Variants in ERICH1 observed in about 807,000 individuals in gnomAD.
ERICH1 encodes the protein glutamate-rich protein 1.
Under a neutral mutation model 39.6 loss-of-function variants are expected in ERICH1, and 56 were observed. The ratio of observed to expected loss-of-function variants is 1.41; its 90% CI spans 1.14 to 1.77. The LOEUF is 1.77. Ranked by LOEUF, ERICH1 falls within the 40% of genes most tolerant of loss-of-function variation. The pLI is 0.00. For missense variants in ERICH1, 826 were observed against 575.4 expected (o/e 1.44, Z -4.45); for synonymous variants, 313 against 223.6 (o/e 1.40, Z -3.57).
intron 2 of ERICH1, among the ~76,000 whole-genome samples, chr8:699,349 C>T (rs1227480219): frequency 2.0e-5 from 3 of 152,170 alleles, no homozygotes; most frequent in African/African-American, 7.2e-5. Flanking sequence ...CGATTGCTGT[C>T]CCAGCGGCCT....
At chr8:622,528 C>T (rs2117040650) in intron 3 of ERICH1, among the ~76,000 whole-genome samples, 1 of 152,254 alleles carries the variant, frequency 6.6e-6, no homozygotes, top group South Asian at 2.1e-4. Flanking sequence ...TTGGACTGTC[C>T]AGCCTCCAGA....
chr8:655,696 CTTCCTTCCTTCT>C (rs1470922522), intron 3 of ERICH1, among the ~76,000 whole-genome samples: 22 of 113,082 alleles, frequency 1.9e-4, no homozygotes, highest in Admixed American at 3.9e-4. Context: ...TCCTTCCTTC[CTTCCTTCCTTCT>C]TTCCTTCCTC....
chr8:635,987 G>T (rs927411508), intron 3 of ERICH1, among the ~76,000 whole-genome samples: 1 of 152,220 alleles, frequency 6.6e-6, no homozygotes, highest in East Asian at 1.9e-4. Context: ...CTCCGCCTCG[G>T]CAGAAACAGC....
chr8:719,719 T>C (rs7817083), intron 1 of ERICH1, among the ~76,000 whole-genome samples: 8 of 152,246 alleles, frequency 5.3e-5, no homozygotes, highest in African/African-American at 1.9e-4. Flanking sequence ...TGGAATTTTG[T>C]ACTGAAGTGC....
intron 3 of ERICH1, among the ~76,000 whole-genome samples, chr8:616,773 A>G (rs1796926895): frequency 6.2e-5 from 2 of 32,458 alleles, no homozygotes; most frequent in South Asian, 2.7e-3. Flanking sequence ...GAAGACAGAG[A>G]GAGGGAGAGG....
At chr8:651,222 C>G (rs539454174) in intron 3 of ERICH1, among the ~76,000 whole-genome samples, 4 of 152,184 alleles carry the variant, frequency 2.6e-5, no homozygotes, top group Non-Finnish European at 5.9e-5. Context: ...AGTTGTTAGT[C>G]CAGGGTTGGG....
intron 3 of ERICH1, among the ~76,000 whole-genome samples, chr8:688,809 T>C (rs2132035607): frequency 6.6e-6 from 1 of 152,290 alleles, no homozygotes; most frequent in East Asian, 1.9e-4. Flanking sequence ...AGGGTATCGA[T>C]GGGAAATCTC....
intron 3 of ERICH1, among the ~76,000 whole-genome samples, chr8:689,893 C>A (rs755245763): frequency 6.6e-6 from 1 of 152,186 alleles, no homozygotes; most frequent in Non-Finnish European, 1.5e-5. Flanking sequence ...GTTCCTACGA[C>A]GCGCCAGGAC....
chr8:709,563 T>C (rs984896673), intron 2 of ERICH1, among the ~76,000 whole-genome samples: 9 of 152,316 alleles, frequency 5.9e-5, no homozygotes, highest in African/African-American at 1.7e-4. Context: ...ACATCAGTAT[T>C]TTGACTTTTA....
intron 1 of ERICH1, among the ~76,000 whole-genome samples, chr8:723,694 G>A (rs914805317): frequency 1.3e-5 from 2 of 152,128 alleles, no homozygotes; most frequent in Non-Finnish European, 2.9e-5. Context: ...ATTTATTAGG[G>A]TTATTGTATT....
intron 2 of ERICH1, among the ~76,000 whole-genome samples, chr8:700,510 G>C (rs112179967): frequency 7.8e-6 from 1 of 127,422 alleles, no homozygotes; most frequent in Non-Finnish European, 1.7e-5. Flanking sequence ...GCACAGGCCC[G>C]CACAGGCGCA....
chr8:700,120 C>T (rs1171511727), intron 2 of ERICH1, among the ~76,000 whole-genome samples: 2 of 142,634 alleles, frequency 1.4e-5, no homozygotes, highest in East Asian at 4.4e-4. Flanking sequence ...CGCACACACC[C>T]TCACAGGCGC....
intron 2 of ERICH1, among the ~76,000 whole-genome samples, chr8:707,493 C>T (rs1030111712): frequency 5.9e-5 from 9 of 152,144 alleles, no homozygotes; most frequent in African/African-American, 2.2e-4. Context: ...AGGTGTGAGC[C>T]ACCGCACCTG....
chr8:638,812 G>A (rs1798667282), intron 3 of ERICH1, among the ~76,000 whole-genome samples: 1 of 152,028 alleles, frequency 6.6e-6, no homozygotes, highest in Admixed American at 6.5e-5. Context: ...TTTGACCCCG[G>A]CCTGTCGTCA....
Position 678,504 on chromosome 8 carries a change from A to G in ERICH1, c.305-4457T>C, listed in dbSNP as rs11778544. 8.5e-3 allele frequency among the ~76,000 whole-genome samples: 1,301 copies of G among 152,328 alleles called. 7 individuals carry two copies. Among genetic ancestry groups the G allele is most frequent in the Non-Finnish European group, 0.011 (779 of 68,024 alleles). On this transcript the variant is annotated intron_variant, in intron 3 of 5. Transcript: ENST00000262109. ...GAGTCTAGTTAAAAATAATCCCACA[A>G]AAGAACTTCAGGCTTAGATAGGTTC... is the stretch of plus-strand genomic sequence containing the variant.
intron 2 of ERICH1, among the ~76,000 whole-genome samples, chr8:709,333 C>A (rs1814159956): frequency 6.6e-6 from 1 of 152,180 alleles, no homozygotes; most frequent in Non-Finnish European, 1.5e-5. Flanking sequence ...GACCATGTCA[C>A]CGAGGGAACC....
intron 1 of ERICH1, 39 bp downstream of exon 1, chr8:731,101 T>C: frequency 2.1e-6 from 3 of 1,443,318 alleles, no homozygotes; most frequent in Non-Finnish European, 1.8e-6. Flanking sequence ...GAGAGCCGGG[T>C]CTGGGGTCTG....
intron 3 of ERICH1, among the ~76,000 whole-genome samples, chr8:677,223 G>T (rs1389401036): frequency 6.6e-6 from 1 of 152,204 alleles, no homozygotes; most frequent in Non-Finnish European, 1.5e-5. Flanking sequence ...GAAAATACAG[G>T]AAGTATTTTA....
At chr8:684,921 G>C (rs12541975) in intron 3 of ERICH1, among the ~76,000 whole-genome samples, 27,621 of 152,150 alleles carry the variant, frequency 0.18, 3,013 homozygotes, top group Middle Eastern at 0.33. Flanking sequence ...AATGAGCAGG[G>C]CAAGGTCACA....
Sources: allele counts gnomAD v4.1 joint callset (sites outside exome capture counted in the v4.1 genomes callset), GRCh38; gene constraint gnomAD v4.1.1; transcripts MANE v1.5; gene names NCBI Gene and HGNC (gene_info 2026-07-23, HGNC 2026-07-21).